The following FAM163B variants were observed in gnomAD, a reference collection of about 807,000 sequenced individuals.
The protein encoded by FAM163B is protein FAM163B.
In FAM163B, 4 loss-of-function variants were observed where a neutral mutation model predicts 7.6. The observed-to-expected ratio is 0.52, with a 90% CI of 0.26 to 1.20. The LOEUF (loss-of-function observed/expected upper bound fraction) is 1.20, where lower values mean the gene tolerates loss of function less well. FAM163B is among the 50% of genes most tolerant of loss of function. The pLI, the probability that FAM163B is intolerant of heterozygous loss-of-function variation, is 0.14. For synonymous variants in FAM163B, 120 were observed against 111.6 expected (o/e 1.07, Z -0.47); for missense variants, 250 against 243.0 (o/e 1.03, Z -0.19).
At chr9:133,582,151 C>T (rs1297754322) in intron 1 of FAM163B, among the ~76,000 whole-genome samples, 6 of 151,646 alleles carry the variant, frequency 4.0e-5, no homozygotes, top group South Asian at 4.2e-4. Context: ...GTGTGTGTGC[C>T]GAGAGGACGG....
chr9:133,579,212 A>T lies in FAM163B; in HGVS notation c.311T>A (p.Leu104Gln), dbSNP rs937490761. The T allele has an allele frequency of 6.2e-7, 1 of 1,611,948 alleles. No individual in the cohort carries two copies. The highest frequency in any genetic ancestry group is 1.3e-5 in the African/African-American group (1 of 74,910). ...CTCTTCCTCCTCCGGCGGCTCCTGC[A>T]GGAAGAAGGTGGGGGGCTCGCAGTG... ...CSHCEPPTFFLQEPPEEEEDV... is the reference protein window; with the variant it reads ...CSHCEPPTFFQQEPPEEEEDV... The change falls in exon 3 of 3, where the codon CTG (leucine) becomes CAG (glutamine). Residue 104 changes from leucine (L) to glutamine (Q), a missense_variant. By Grantham distance (113) the Leu-to-Gln change is moderately radical. Coordinates refer to ENST00000673969, the MANE Select transcript of FAM163B (RefSeq NM_001080515.3).
chr9:133,585,713 A>C (rs1169369912), intron 1 of FAM163B, among the ~76,000 whole-genome samples: 1 of 152,232 alleles, frequency 6.6e-6, no homozygotes, highest in Non-Finnish European at 1.5e-5. Context: ...GTGCAGCTGC[A>C]CGGGCCCTGC....
chr9:133,578,921 A>C lies in FAM163B; in HGVS notation c.*101T>G. ...GAGGACAGGGATTCCAGGAGGGCTC[A>C]GCCAAGCCCCACTTGGGGCCTGGGG... On this transcript the variant is annotated 3_prime_UTR_variant, in exon 3 of 3. Coordinates refer to ENST00000673969, the MANE Select transcript of FAM163B (RefSeq NM_001080515.3). 1 of 1,433,966 alleles carries C rather than the reference A, an allele frequency of 7.0e-7. No individual in the cohort carries two copies. Among genetic ancestry groups the C allele is most frequent in the Non-Finnish European group, 9.1e-7 (1 of 1,097,722 alleles). The allele number at this position is 1,433,966 out of a possible 1,614,324, so 88.8% of individuals were successfully genotyped here. A position where few individuals can be genotyped will look rare whatever the true frequency, so the allele number is the denominator to read the frequency against.
chr9:133,579,443 G>A lies in FAM163B; in HGVS notation c.94-14C>T. 1 of 1,575,320 alleles carries A rather than the reference G, an allele frequency of 6.3e-7. No homozygotes were observed. The highest frequency in any genetic ancestry group is 1.8e-5 in the Admixed American group (1 of 56,236). On this transcript the variant is annotated splice_polypyrimidine_tract_variant and intron_variant, in intron 2 of 2. Transcript: ENST00000673969. ...GCAGCAGTAGTACTGCGGGCAGAGGGACGGTGACCATGCGGCCGCCCGCTC... is the reference window on the plus strand; with the variant it reads ...GCAGCAGTAGTACTGCGGGCAGAGGAACGGTGACCATGCGGCCGCCCGCTC...
chr9:133,606,040 C>T lies in FAM163B; in HGVS notation c.-24+3037G>A, dbSNP rs1831785707. Among the ~76,000 whole-genome samples the T allele has an allele frequency of 6.6e-6, 1 of 152,240 alleles. No homozygotes were observed. The highest frequency in any genetic ancestry group is 1.5e-5 in the Non-Finnish European group (1 of 68,046). On this transcript the variant is annotated intron_variant, in intron 1 of 2. Transcript: ENST00000673969. The surrounding 1 kb of genome is among the most constrained non-coding windows in gnomAD (Gnocchi z 4.0). ...CTGTGGACTGCGGCGGAAAGCCCAA[C>T]CACTGAGCAGGGCTTACAAGCCTGG...
intron 1 of FAM163B, among the ~76,000 whole-genome samples, chr9:133,587,981 T>G (rs866789838): frequency 1.5e-3 from 18 of 11,890 alleles, no homozygotes; most frequent in Middle Eastern, 0.077. Context: ...GGGGCGAGCC[T>G]GGGAGGGGAG....
chr9:133,587,404 T>TC (rs1290467805), intron 1 of FAM163B, among the ~76,000 whole-genome samples: 7 of 152,048 alleles, frequency 4.6e-5, no homozygotes, highest in East Asian at 1.9e-4. Context: ...TAGGTGATTG[T>TC]CCCCCCCTGG....
At position 133,577,509 on chromosome 9, in the gene FAM163B, C is replaced by A. The variant is rs11533120; in HGVS notation, c.*1513G>T. ...TCCCCCGACGCCTCTGGAAACTGGC[C>A]ATTTCGTTTTTGAGTAAGGGCAAGA... is the stretch of plus-strand genomic sequence containing the variant. On this transcript the variant is annotated 3_prime_UTR_variant, in exon 3 of 3. Transcript: ENST00000673969. Among the ~76,000 whole-genome samples the A allele has an allele frequency of 6.6e-6, 1 of 152,110 alleles. No homozygotes were observed. Among genetic ancestry groups the A allele is most frequent in the Non-Finnish European group, 1.5e-5 (1 of 68,024 alleles).
rs919859701 is a variant in FAM163B at position 133,600,134 on chromosome 9, G to T, written c.-24+8943C>A. On this transcript the variant is annotated intron_variant, in intron 1 of 2. Transcript: ENST00000673969. The surrounding 1 kb of genome is among the most constrained non-coding windows in gnomAD (Gnocchi z 4.9). ...GTGGTCTATGTGTATGTGTGTCTGT[G>T]TGCGTGTGTGAATGTATGTGTGCAT... Among the ~76,000 whole-genome samples, 1 of 149,966 alleles carries T rather than the reference G, an allele frequency of 6.7e-6. No individual in the cohort carries two copies. The highest frequency in any genetic ancestry group is 2.4e-5 in the African/African-American group (1 of 41,048).
intron 1 of FAM163B, among the ~76,000 whole-genome samples, chr9:133,603,309 G>A (rs760768630): frequency 6.6e-5 from 10 of 152,178 alleles, no homozygotes; most frequent in African/African-American, 1.7e-4. Context: ...CACCGCAGCC[G>A]GCCTTTTCCT....
At chr9:133,595,935 G>A (rs1038017629) in intron 1 of FAM163B, among the ~76,000 whole-genome samples, 7 of 152,186 alleles carry the variant, frequency 4.6e-5, no homozygotes, top group South Asian at 2.1e-4. Context: ...ACTCTCAGCC[G>A]AATGAGAAGT....
Position 133,578,821 on chromosome 9 carries a change from C to A in FAM163B, c.*201G>T, listed in dbSNP as rs964152981. On this transcript the variant is annotated 3_prime_UTR_variant, in exon 3 of 3. Transcript: ENST00000673969. Reference sequence around the variant, plus strand: ...GCCCCAGGCCCCAGCTGTGCCTCCCCCCAGGACACATTTGTGTTCAATGAG... The same window carrying A: ...GCCCCAGGCCCCAGCTGTGCCTCCCACCAGGACACATTTGTGTTCAATGAG... The A allele has an allele frequency of 9.6e-7, 1 of 1,036,974 alleles. No homozygotes were observed. 64.2% of individuals were successfully genotyped at this position (1,036,974 alleles called of 1,614,324 possible). A position where few individuals can be genotyped will look rare whatever the true frequency, so the allele number is the denominator to read the frequency against.
rs890398593 is a variant in FAM163B at position 133,579,114 on chromosome 9, C to T, written c.409G>A (p.Gly137Ser). ...SQEDVELPPG[G>S]FGGLQALNPN... is the part of the protein sequence containing the mutation. ...TTGAGCGCCTGCAGGCCCCCGAAGC[C>T]CCCCGGGGGCAGCTCCACGTCCTCC... The change falls in exon 3 of 3, where the codon GGC becomes AGC. Residue 137 changes from glycine (G) to serine (S), a missense_variant. By Grantham distance (56) the Gly-to-Ser change is moderately conservative. Coordinates refer to ENST00000673969, the MANE Select transcript of FAM163B (RefSeq NM_001080515.3). 1 of 1,606,954 alleles carries T rather than the reference C, an allele frequency of 6.2e-7. No homozygotes were observed. The highest frequency in any genetic ancestry group is 1.1e-5 in the South Asian group (1 of 90,744).
At chr9:133,605,742 C>T (rs1466618881) in intron 1 of FAM163B, among the ~76,000 whole-genome samples, 1 of 152,170 alleles carries the variant, frequency 6.6e-6, no homozygotes, top group African/African-American at 2.4e-5. Context: ...GAGCGTCCGG[C>T]GCTGCCTGAG....
intron 1 of FAM163B, among the ~76,000 whole-genome samples, chr9:133,585,185 CTG>C (rs1447874621): frequency 1.3e-5 from 2 of 152,208 alleles, no homozygotes; most frequent in Non-Finnish European, 2.9e-5. Context: ...CAGTTGTCTC[CTG>C]CGGCACCGGC....
At chr9:133,608,939 G>C (rs1045993114) in intron 1 of FAM163B, among the ~76,000 whole-genome samples, 138 bp downstream of exon 1, 1 of 152,244 alleles carries the variant, frequency 6.6e-6, no homozygotes, top group African/African-American at 2.4e-5. Context: ...GGTGACGCCA[G>C]CTGGGTCAGG....
intron 1 of FAM163B, among the ~76,000 whole-genome samples, chr9:133,594,163 T>C (rs1046444043): frequency 2.0e-5 from 3 of 152,240 alleles, no homozygotes; most frequent in Non-Finnish European, 4.4e-5. Context: ...CTCGGAATAG[T>C]GCCAAGGTTT....
intron 1 of FAM163B, among the ~76,000 whole-genome samples, chr9:133,590,525 AG>A (rs1169181605): frequency 6.6e-6 from 1 of 152,202 alleles, no homozygotes; most frequent in Non-Finnish European, 1.5e-5. Context: ...ACAAAGAGGG[AG>A]GAAGCACAGG....
At chr9:133,604,468 G>A (rs141998215) in intron 1 of FAM163B, among the ~76,000 whole-genome samples, 2 of 152,136 alleles carry the variant, frequency 1.3e-5, no homozygotes, top group Non-Finnish European at 2.9e-5. Flanking sequence ...GAAACCGGGG[G>A]CTTTTACTTT....
Sources: allele counts gnomAD v4.1 joint callset (sites outside exome capture counted in the v4.1 genomes callset), GRCh38; gene constraint gnomAD v4.1.1; non-coding constraint Gnocchi (gnomAD v3.1); transcripts MANE v1.5; gene names NCBI Gene and HGNC (gene_info 2026-07-23, HGNC 2026-07-21).